The following ERCC6L2 variants were observed in gnomAD, a reference collection of about 807,000 sequenced individuals.
The protein encoded by ERCC6L2 is DNA excision repair protein ERCC-6-like 2.
Under a neutral mutation model 132.0 loss-of-function variants are expected in ERCC6L2, and 77 were observed. The observed-to-expected ratio is 0.58, with a 90% confidence interval of 0.49 to 0.71. ERCC6L2 has a LOEUF of 0.71. Among genes scored for constraint, ERCC6L2 ranks in the 30% least tolerant of loss-of-function variants. ERCC6L2 has a pLI of 0.00. For missense variants in ERCC6L2, 1,542 were observed against 1,837.6 expected (o/e 0.84, Z 2.94); for synonymous variants, 583 against 632.4 (o/e 0.92, Z 1.17).
rs746781255 is a variant in ERCC6L2 at position 95,923,327 on chromosome 9, A to G, written c.1481A>G (p.Lys494Arg). The G allele has an allele frequency of 1.9e-6, 3 of 1,613,960 alleles. No individual in the cohort carries two copies. The South Asian group carries it at 3.3e-5, about 18-fold the overall frequency. ...SRFPDFVQKSKDAAFETLSDP... is the reference protein window; with the variant it reads ...SRFPDFVQKSRDAAFETLSDP... Reference sequence around the variant, plus strand: ...TTCCCAGATTTTGTGCAGAAAAGCAAAGATGCAGCCTTTGAAACACTTTCT... The same window carrying G: ...TTCCCAGATTTTGTGCAGAAAAGCAGAGATGCAGCCTTTGAAACACTTTCT... Residue 494 changes from lysine (K) to arginine (R), a missense_variant, in exon 9 of 19, where the codon AAA becomes AGA. Lys to Arg is a conservative substitution (Grantham distance 26, BLOSUM62 2). Around this residue, in one of 4 missense-constraint regions of ERCC6L2, gnomAD observed 945 missense variants for 1,105.2 expected, o/e 0.86. Coordinates refer to ENST00000653738, the MANE Select transcript of ERCC6L2 (RefSeq NM_020207.7).
In ERCC6L2 at chr9:96,015,122, A is replaced by G. The variant is rs576867211; in HGVS notation, c.*1919A>G. ...ACTGCAACCTCCACCTCCCTCCCAA[A>G]CAACTCTTATGCCTCAGCCTCCTGA... On this transcript the variant is annotated 3_prime_UTR_variant, in exon 19 of 19. Transcript: ENST00000653738. 7.3e-6 allele frequency among the ~76,000 whole-genome samples: 1 copy of G among 137,064 alleles called. No individual in the cohort carries two copies. The highest frequency in any genetic ancestry group is 2.8e-5 in the African/African-American group (1 of 35,652). The allele number at this position is 137,064 out of a possible 152,430, so 89.9% of individuals were successfully genotyped here.
At chr9:95,890,472 A>G (rs572145041) in intron 2 of ERCC6L2, among the ~76,000 whole-genome samples, 3 of 152,326 alleles carry the variant, frequency 2.0e-5, no homozygotes, top group African/African-American at 2.4e-5. Flanking sequence ...AGTCTTTGTG[A>G]TAAGTCCTGC....
At chr9:95,961,088 A>G (rs754039274) in intron 13 of ERCC6L2, among the ~76,000 whole-genome samples, 2 of 152,202 alleles carry the variant, frequency 1.3e-5, no homozygotes, top group African/African-American at 2.4e-5. Context: ...GAAAATCTTT[A>G]ACCAAGCATC....
At chr9:95,989,694 C>CT (rs898891045) in intron 17 of ERCC6L2, among the ~76,000 whole-genome samples, 2 of 152,140 alleles carry the variant, frequency 1.3e-5, no homozygotes, top group African/African-American at 4.8e-5. Flanking sequence ...CATTATATTT[C>CT]TTTTATGGAT....
intron 14 of ERCC6L2, chr9:95,968,926 T>C (rs1279681136): frequency 6.6e-6 from 1 of 151,966 alleles, no homozygotes; most frequent in Admixed American, 6.6e-5. Flanking sequence ...GTTCTAAGGA[T>C]AAAAAATAGA....
chr9:95,877,590 C>T (rs1587827793), intron 1 of ERCC6L2, among the ~76,000 whole-genome samples: 1 of 151,842 alleles, frequency 6.6e-6, no homozygotes, highest in South Asian at 2.1e-4. Flanking sequence ...GAAGCTTAGG[C>T]GGGAGGATAG....
intron 11 of ERCC6L2, among the ~76,000 whole-genome samples, chr9:95,939,981 G>A (rs756117370): frequency 6.6e-6 from 1 of 152,144 alleles, no homozygotes; most frequent in African/African-American, 2.4e-5. Context: ...GCTAGGTTCC[G>A]TCTTTGGCCT....
At position 95,921,215 on chromosome 9, in the gene ERCC6L2, A is replaced by C. The variant is rs766145218; in HGVS notation, c.1199A>C (p.Tyr400Ser). ...TTGACAGATTTCCAGAAAGCTGTCT[A>C]TCAAACAGTGTTAGAAACAGAGGAC... ...CSLTDFQKAV[Y>S]QTVLETEDVT... Residue 400 changes from tyrosine (Y) to serine (S), a missense_variant, in exon 7 of 19, where the codon TAT becomes TCT. Physicochemically the swap from Tyr to Ser is moderately radical, Grantham distance 144. Around this residue, in one of 4 missense-constraint regions of ERCC6L2, gnomAD observed 945 missense variants for 1,105.2 expected, o/e 0.86. Coordinates refer to ENST00000653738, the MANE Select transcript of ERCC6L2 (RefSeq NM_020207.7). 1.2e-6 allele frequency: 2 copies of C among 1,613,574 alleles called. No homozygotes were observed. The highest frequency in any genetic ancestry group is 2.2e-5 in the South Asian group (2 of 91,064).
chr9:96,027,258 T>C (rs1049727563), intron 19 of ERCC6L2, among the ~76,000 whole-genome samples: 1 of 151,540 alleles, frequency 6.6e-6, no homozygotes, highest in Admixed American at 6.6e-5. Context: ...TCCCGCCTCC[T>C]GTGTGGTGTG....
chr9:95,982,749 C>T (rs1437587168), intron 17 of ERCC6L2, among the ~76,000 whole-genome samples: 2 of 151,818 alleles, frequency 1.3e-5, no homozygotes, highest in East Asian at 1.9e-4. Flanking sequence ...GGTATTGACA[C>T]GAAAAAGGTT....
intron 13 of ERCC6L2, among the ~76,000 whole-genome samples, chr9:95,961,364 C>G (rs538455335): frequency 6.6e-6 from 1 of 152,080 alleles, no homozygotes; most frequent in Admixed American, 6.6e-5. Context: ...AAGAATGCTA[C>G]GGATTACCAG....
chr9:95,948,688 C>T (rs1831179044), intron 12 of ERCC6L2, among the ~76,000 whole-genome samples: 1 of 151,034 alleles, frequency 6.6e-6, no homozygotes, highest in African/African-American at 2.4e-5. Flanking sequence ...GCTCAAGACA[C>T]ACCCTGCTAA....
chr9:95,979,355 A>G (rs1832800690), intron 17 of ERCC6L2, among the ~76,000 whole-genome samples: 1 of 152,156 alleles, frequency 6.6e-6, no homozygotes, highest in African/African-American at 2.4e-5. Context: ...GCACTCCCAT[A>G]TGCAAAGAAT....
chr9:95,900,990 C>T (rs1828745190), intron 3 of ERCC6L2, among the ~76,000 whole-genome samples: 1 of 151,648 alleles, frequency 6.6e-6, no homozygotes, highest in South Asian at 2.1e-4. Context: ...AGTAGGATCA[C>T]TTGAGCTCAG....
At position 95,970,643 on chromosome 9, in the gene ERCC6L2, A is replaced by G. The variant is rs539349129; in HGVS notation, c.2168A>G (p.His723Arg). ...TTWLKEGPPA[H>R]KLEMPRQPDC... ...TGGTTGAAAGAGGGACCTCCAGCAC[A>G]CAAACTGGAAATGGTATGTAATATT... is the stretch of plus-strand genomic sequence containing the variant. Residue 723 changes from histidine (H) to arginine (R), a missense_variant, in exon 15 of 19, where the codon CAC (histidine) becomes CGC (arginine). By Grantham distance (29) the His-to-Arg change is conservative. This residue lies in a region of ERCC6L2 where 945 missense variants were observed against 1,105.2 expected (regional missense o/e 0.86). Transcript: ENST00000653738. The G allele has an allele frequency of 1.2e-5, 16 of 1,303,680 alleles. No individual in the cohort carries two copies. The South Asian group carries it at 1.7e-4, about 14-fold the overall frequency. The allele number at this position is 1,303,680 out of a possible 1,614,324, so 80.8% of individuals were successfully genotyped here. A position where few individuals can be genotyped will look rare whatever the true frequency, so the allele number is the denominator to read the frequency against.
intron 3 of ERCC6L2, among the ~76,000 whole-genome samples, chr9:95,900,564 T>C (rs1828722078): frequency 6.6e-6 from 1 of 152,214 alleles, no homozygotes; most frequent in Non-Finnish European, 1.5e-5. Context: ...TTGTTGGGGC[T>C]CAGGATGATG....
Position 95,941,523 on chromosome 9 carries a change from A to T in ERCC6L2, c.1821A>T (p.Pro607=). The T allele has an allele frequency of 6.2e-7, 1 of 1,613,046 alleles. No homozygotes were observed. Among genetic ancestry groups the T allele is most frequent in the Non-Finnish European group, 8.5e-7 (1 of 1,179,392 alleles). ...TATTATTTGATCCTACTTGGAATCC[A>T]GCCAATGATCTTCAAGCCATTGACA... The part of the protein sequence containing the change: ...VVVLFDPTWN[P]ANDLQAIDRA... The change falls in exon 12 of 19, where the codon CCA becomes CCT. Residue 607 remains proline, a synonymous_variant. Coordinates refer to ENST00000653738, the MANE Select transcript of ERCC6L2 (RefSeq NM_020207.7).
intron 2 of ERCC6L2, among the ~76,000 whole-genome samples, chr9:95,897,355 T>G (rs1587861670): frequency 1.3e-5 from 2 of 152,218 alleles, no homozygotes; most frequent in Admixed American, 6.5e-5. Flanking sequence ...TGAGCTGTTA[T>G]TCAAAATGTT....
At chr9:96,039,443 C>T (rs1389419644) in intron 20 of ERCC6L2, among the ~76,000 whole-genome samples, 1 of 151,842 alleles carries the variant, frequency 6.6e-6, no homozygotes, top group Non-Finnish European at 1.5e-5. Context: ...TTTGAGAGAA[C>T]GTTTCTGGGT....
Sources: gnomAD v4.1 joint callset for allele counts (sites outside exome capture counted in the v4.1 genomes callset) on GRCh38, gnomAD v4.1.1 for gene constraint, gnomAD v4.1.1 regional missense constraint, MANE v1.5 for transcripts, NCBI Gene and HGNC (gene_info 2026-07-23, HGNC 2026-07-21) for gene names.